Variants in AVL9 observed in about 807,000 individuals in gnomAD.
AVL9 encodes the protein AVL9 cell migration associated.
AVL9 carries 49 observed loss-of-function variants against 79.2 expected under a neutral mutation model. That is an observed-to-expected ratio of 0.62 (90% CI 0.49 to 0.79). The LOEUF is 0.79. Among genes scored for constraint, AVL9 ranks in the 30% least tolerant of loss-of-function variants. AVL9 has a pLI of 0.00. For missense variants in AVL9, 682 were observed against 776.8 expected, an observed-to-expected ratio of 0.88 and a Z score of 1.45; for synonymous variants, 299 against 280.6, an observed-to-expected ratio of 1.07 and a Z score of -0.65.
At chr7:32,580,494 T>C (rs1259445902) in intron 14 of AVL9, among the ~76,000 whole-genome samples, 1 of 152,176 alleles carries the variant, frequency 6.6e-6, no homozygotes, top group Non-Finnish European at 1.5e-5. Context: ...GATTTACCAT[T>C]TTTATTTTGG....
rs1791827460 is a variant in AVL9 at position 32,587,091 on chromosome 7, T to C, written c.*3184T>C. The C allele has an allele frequency of 6.6e-6, 1 of 152,238 alleles. No homozygotes were observed. The highest frequency in any genetic ancestry group is 2.1e-4 in the South Asian group (1 of 4,838). 9.4% of individuals were successfully genotyped at this position (152,238 alleles called of 1,614,324 possible). ...GCAAACCAGAGCATATGATGTAACT[T>C]GCTCAACCTTATCTTCCTTTCCAAA... On this transcript the variant is annotated 3_prime_UTR_variant, in exon 16 of 16. Coordinates refer to ENST00000318709, the MANE Select transcript of AVL9 (RefSeq NM_015060.3).
chr7:32,550,613 C>T (rs1033257132), intron 4 of AVL9, among the ~76,000 whole-genome samples: 2 of 151,868 alleles, frequency 1.3e-5, no homozygotes, highest in African/African-American at 4.8e-5. Context: ...TCATTACATC[C>T]TGAAATGGAC....
At chr7:32,554,160 C>A (rs946900368) in intron 7 of AVL9, among the ~76,000 whole-genome samples, 22 of 152,096 alleles carry the variant, frequency 1.4e-4, no homozygotes, top group Non-Finnish European at 2.9e-5. Flanking sequence ...ACCTTCTGAT[C>A]TTTATTATTA....
At chr7:32,571,225 G>C (rs1331510624) in intron 11 of AVL9, among the ~76,000 whole-genome samples, 1 of 102,234 alleles carries the variant, frequency 9.8e-6, no homozygotes, top group Admixed American at 1.2e-4. Context: ...GAGTGACCCT[G>C]TCTCAAAAAA....
At chr7:32,496,906 G>C (rs1786844295) in intron 1 of AVL9, among the ~76,000 whole-genome samples, 1 of 152,176 alleles carries the variant, frequency 6.6e-6, no homozygotes, top group South Asian at 2.1e-4. Flanking sequence ...TTTGAGACCA[G>C]CTTAGATAAC....
intron 1 of AVL9, among the ~76,000 whole-genome samples, chr7:32,497,618 T>C (rs552410113): frequency 4.6e-5 from 7 of 151,426 alleles, no homozygotes; most frequent in African/African-American, 1.4e-4. Flanking sequence ...CTTCCAAGTA[T>C]TCAAAATTGC....
intron 12 of AVL9, among the ~76,000 whole-genome samples, chr7:32,574,672 GGGACCTTGTCATT>G (rs1791003770): frequency 6.6e-6 from 1 of 151,240 alleles, no homozygotes; most frequent in Non-Finnish European, 1.5e-5. Flanking sequence ...CCTGAAGGTA[GGGACCTTGTCATT>G]GCCTTTTACA....
chr7:32,575,104 G>GTTTTA (rs1791030403), intron 12 of AVL9, among the ~76,000 whole-genome samples: 1 of 146,158 alleles, frequency 6.8e-6, no homozygotes, highest in Non-Finnish European at 1.5e-5. Context: ...GTTTTGTTTT[G>GTTTTA]TTTTGTTTTT....
intron 1 of AVL9, among the ~76,000 whole-genome samples, chr7:32,518,160 T>C (rs768399287): frequency 6.6e-6 from 1 of 152,110 alleles, no homozygotes; most frequent in Non-Finnish European, 1.5e-5. Context: ...AAAGAAGACA[T>C]TGATATTAGT....
intron 3 of AVL9, 136 bp downstream of exon 3, chr7:32,544,915 A>G (rs1386451375): frequency 1.3e-5 from 8 of 616,348 alleles, no homozygotes; most frequent in East Asian, 5.5e-5. Flanking sequence ...TGTTTTTTCA[A>G]TAGTGCCAGT....
At chr7:32,504,665 C>T (rs1033198363) in intron 1 of AVL9, among the ~76,000 whole-genome samples, 1 of 152,138 alleles carries the variant, frequency 6.6e-6, no homozygotes, top group African/African-American at 2.4e-5. Flanking sequence ...ATGAAATTAG[C>T]AAACATTTGC....
intron 1 of AVL9, among the ~76,000 whole-genome samples, chr7:32,542,385 CA>C (rs567774011): frequency 0.034 from 3,071 of 90,590 alleles, 75 homozygotes; most frequent in East Asian, 0.15. Context: ...AGTAAAAATA[CA>C]AAAAAAAAAA....
intron 6 of AVL9, among the ~76,000 whole-genome samples, chr7:32,553,092 G>T (rs1789907409): frequency 6.6e-6 from 1 of 152,094 alleles, no homozygotes. Flanking sequence ...GCCAATTGTG[G>T]TAGTTTATGA....
chr7:32,517,989 C>G (rs1787982911), intron 1 of AVL9, among the ~76,000 whole-genome samples: 1 of 152,042 alleles, frequency 6.6e-6, no homozygotes, highest in African/African-American at 2.4e-5. Flanking sequence ...TGCCACCATG[C>G]CTGGCTAATT....
chr7:32,531,556 T>C (rs1788656155), intron 1 of AVL9: 3 of 152,014 alleles, frequency 2.0e-5, no homozygotes, highest in Admixed American at 2.0e-4. Context: ...CTGACCCCTT[T>C]GCGGGACTCA....
Position 32,584,162 on chromosome 7 carries a change from A to G in AVL9, c.*255A>G. On this transcript the variant is annotated 3_prime_UTR_variant, in exon 16 of 16. Coordinates refer to ENST00000318709, the MANE Select transcript of AVL9 (RefSeq NM_015060.3). The stretch of plus-strand genomic sequence containing the variant: ...TGAGCCTGATTAAAACATACAGTGA[A>G]CCTTCTAATGAATTTTGAGTTCTGA... 1 of 492,168 alleles carries G rather than the reference A, an allele frequency of 2.0e-6. No individual in the cohort carries two copies. The highest frequency in any genetic ancestry group is 2.6e-5 in the South Asian group (1 of 39,066). 30.5% of individuals were successfully genotyped at this position (492,168 alleles called of 1,614,324 possible).
At chr7:32,497,558 T>C (rs1786904147) in intron 1 of AVL9, among the ~76,000 whole-genome samples, 1 of 152,204 alleles carries the variant, frequency 6.6e-6, no homozygotes, top group African/African-American at 2.4e-5. Flanking sequence ...CATTGAGTTG[T>C]GACTCTGACT....
At chr7:32,570,516 C>T (rs1478108003) in intron 11 of AVL9, among the ~76,000 whole-genome samples, 2 of 152,088 alleles carry the variant, frequency 1.3e-5, no homozygotes, top group African/African-American at 4.8e-5. Flanking sequence ...ATCCTTCTAG[C>T]CTGTTTAGAA....
chr7:32,547,745 G>C (rs773061571), intron 3 of AVL9, among the ~76,000 whole-genome samples: 1 of 152,142 alleles, frequency 6.6e-6, no homozygotes, highest in Non-Finnish European at 1.5e-5. Flanking sequence ...AACTCCTTTC[G>C]AATGAAGATA....
Sources: gnomAD v4.1 joint callset for allele counts (sites outside exome capture counted in the v4.1 genomes callset) on GRCh38, gnomAD v4.1.1 for gene constraint, MANE v1.5 for transcripts, NCBI Gene and HGNC (gene_info 2026-07-23, HGNC 2026-07-21) for gene names.